SPAG17: variants seen among roughly 807,000 people sequenced by gnomAD.
The protein encoded by SPAG17 is sperm associated antigen 17, also known as sperm-associated antigen 17.
SPAG17 carries 169 observed loss-of-function variants against 273.6 expected under a neutral mutation model. The observed-to-expected ratio is 0.62, with a 90% CI of 0.55 to 0.70. The LOEUF is 0.70. Among genes scored for constraint, SPAG17 ranks in the 30% least tolerant of loss-of-function variants. The pLI is 0.00. For missense variants in SPAG17, 2,557 were observed against 2,627.8 expected (o/e 0.97, Z 0.59); for synonymous variants, 825 against 873.2 (o/e 0.94, Z 0.97).
In SPAG17 at chr1:118,185,082, G is replaced by C. The variant is rs1661127941; in HGVS notation, c.76C>G (p.Gln26Glu). The stretch of plus-strand genomic sequence containing the variant: ...GGCTCAAGGCTCACCTGATTGAACT[G>C]TGCAGCTATGAGCGAGGGTTCCCAT... ...KIWEPSLIAA[Q>E]FNQNDWQASI... The change falls in exon 1 of 49, where the codon CAG becomes GAG. Residue 26 changes from glutamine to glutamate, a missense_variant. Gln to Glu is a conservative substitution (Grantham distance 29). Coordinates refer to ENST00000336338, the MANE Select transcript of SPAG17 (RefSeq NM_206996.4). 1 of 1,613,944 alleles carries C rather than the reference G, an allele frequency of 6.2e-7. No homozygotes were observed. Among genetic ancestry groups the C allele is most frequent in the South Asian group, 1.1e-5 (1 of 91,086 alleles).
chr1:118,099,305 T>TTA (rs1491516983), intron 6 of SPAG17, among the ~76,000 whole-genome samples: 1 of 152,172 alleles, frequency 6.6e-6, no homozygotes, highest in African/African-American at 2.4e-5. Flanking sequence ...TAGGTAAAAC[T>TTA]TATAGATCAA....
chr1:118,074,667 G>A, intron 15 of SPAG17, 67 bp from the exon 16 acceptor site: 1 of 1,403,882 alleles, frequency 7.1e-7, no homozygotes. Context: ...GGTTAATGCT[G>A]TGCTTTTTTG....
chr1:118,004,732 G>T (rs1403841165), intron 32 of SPAG17, among the ~76,000 whole-genome samples: 1 of 152,192 alleles, frequency 6.6e-6, no homozygotes, highest in African/African-American at 2.4e-5. Flanking sequence ...GTTTCCCTTG[G>T]CTAGGAAAGG....
At chr1:117,973,193 G>A (rs994443908) in intron 44 of SPAG17, among the ~76,000 whole-genome samples, 10 of 152,196 alleles carry the variant, frequency 6.6e-5, no homozygotes, top group Admixed American at 5.2e-4. Context: ...GTATGAGCCA[G>A]CTCCACCAAA....
intron 3 of SPAG17, among the ~76,000 whole-genome samples, chr1:118,147,893 T>C (rs1333471041): frequency 1.3e-5 from 2 of 152,232 alleles, no homozygotes; most frequent in African/African-American, 4.8e-5. Context: ...CACTTTAGTT[T>C]GCTGCTTCTA....
chr1:118,036,558 T>C, intron 24 of SPAG17: 1 of 306,566 alleles, frequency 3.3e-6, no homozygotes, highest in Non-Finnish European at 5.9e-6. Flanking sequence ...TGTATCTATG[T>C]ATAAAAGATT....
At chr1:118,119,677 C>A (rs971595701) in intron 3 of SPAG17, among the ~76,000 whole-genome samples, 1 of 152,186 alleles carries the variant, frequency 6.6e-6, no homozygotes, top group African/African-American at 2.4e-5. Flanking sequence ...GAGCTTGACT[C>A]AATTTAGGCT....
chr1:118,017,781 A>G (rs1660119052), intron 28 of SPAG17, among the ~76,000 whole-genome samples: 1 of 152,174 alleles, frequency 6.6e-6, no homozygotes, highest in African/African-American at 2.4e-5. Context: ...CAGTGAAAGG[A>G]TAAGAGAAAG....
chr1:118,066,984 T>C, intron 17 of SPAG17, 85 bp from the exon 18 acceptor site: 6 of 1,223,076 alleles, frequency 4.9e-6, no homozygotes, highest in Admixed American at 2.7e-5. Context: ...CTCTACTCCC[T>C]TTTTTTCCTA....
chr1:118,036,593 CATAT>C (rs1210584871), intron 24 of SPAG17, 173 bp downstream of exon 24: 14 of 513,544 alleles, frequency 2.7e-5, no homozygotes, highest in African/African-American at 9.8e-5. Context: ...TGTATACACA[CATAT>C]ATAGACACAC....
At chr1:117,988,542 G>A (rs544043335) in intron 38 of SPAG17, among the ~76,000 whole-genome samples, 1 of 152,084 alleles carries the variant, frequency 6.6e-6, no homozygotes, top group Non-Finnish European at 1.5e-5. Flanking sequence ...CATTGAAATT[G>A]TTTTTCTGGA....
chr1:118,059,411 CAT>C (rs1014402450), intron 18 of SPAG17, among the ~76,000 whole-genome samples: 6 of 151,942 alleles, frequency 3.9e-5, no homozygotes, highest in Non-Finnish European at 5.9e-5. Flanking sequence ...TCATGTACAA[CAT>C]GTGGTTTTGA....
At chr1:118,001,771 G>C (rs887689324) in intron 32 of SPAG17, among the ~76,000 whole-genome samples, 2 of 152,064 alleles carry the variant, frequency 1.3e-5, no homozygotes, top group Non-Finnish European at 2.9e-5. Flanking sequence ...CAAAAAACCA[G>C]CTCCTGGCAA....
intron 3 of SPAG17, among the ~76,000 whole-genome samples, chr1:118,135,745 T>A (rs1201841995): frequency 3.9e-5 from 6 of 152,006 alleles, no homozygotes; most frequent in African/African-American, 1.5e-4. Context: ...GTGAGCAGAG[T>A]CTTTGGCACA....
Position 118,055,802 on chromosome 1 carries a change from C to A in SPAG17, c.2653G>T (p.Glu885Ter), listed in dbSNP as rs1262981740. The change falls in exon 19 of 49, where the codon GAA becomes TAA. Residue 885 changes from glutamate (E) to a stop codon, truncating the protein, a stop_gained. Transcript: ENST00000336338. LOFTEE classifies it high-confidence loss of function. ...EKIIRTRAEL[E>*]LKSSANAKLT... The stretch of plus-strand genomic sequence containing the variant: ...TTGGCATTAGCAGAAGATTTCAATT[C>A]CAGCTCAGCTCTGGTCCTGATGATT... The A allele has an allele frequency of 6.2e-7, 1 of 1,612,972 alleles. No individual in the cohort carries two copies. The highest frequency in any genetic ancestry group is 8.5e-7 in the Non-Finnish European group (1 of 1,179,654).
chr1:118,111,888 CA>C (rs1038383496), intron 4 of SPAG17, among the ~76,000 whole-genome samples: 2 of 151,908 alleles, frequency 1.3e-5, no homozygotes, highest in Non-Finnish European at 2.9e-5. Flanking sequence ...TATGAGCTAG[CA>C]AAAGAAAGAA....
At chr1:117,958,168 G>A (rs948907184) in intron 48 of SPAG17, among the ~76,000 whole-genome samples, 2 of 152,170 alleles carry the variant, frequency 1.3e-5, no homozygotes, top group African/African-American at 4.8e-5. Flanking sequence ...TATATGTAGT[G>A]AACTGACCAA....
At chr1:118,102,009 A>G (rs1656102117) in intron 4 of SPAG17, 83 bp from the exon 5 acceptor site, 8 of 1,104,064 alleles carry the variant, frequency 7.2e-6, no homozygotes, top group African/African-American at 1.6e-5. Flanking sequence ...TTAATTCTTC[A>G]TCTCATTCAA....
At position 118,115,446 on chromosome 1, in the gene SPAG17, A is replaced by T. The variant is rs527720666; in HGVS notation, c.316-5T>A. 6.2e-7 allele frequency: 1 copy of T among 1,604,560 alleles called. No individual in the cohort carries two copies. The highest frequency in any genetic ancestry group is 8.5e-7 in the Non-Finnish European group (1 of 1,176,794). On this transcript the variant is annotated splice_polypyrimidine_tract_variant and splice_region_variant and intron_variant, in intron 3 of 48. Coordinates refer to ENST00000336338, the MANE Select transcript of SPAG17 (RefSeq NM_206996.4). Reference sequence around the variant, plus strand: ...TGCTTTTGCTGCCGTTAACACCTATACAGAAACACAATTATTAGAAAAAGT... The same window carrying T: ...TGCTTTTGCTGCCGTTAACACCTATTCAGAAACACAATTATTAGAAAAAGT...
Sources: allele counts gnomAD v4.1 joint callset (sites outside exome capture counted in the v4.1 genomes callset), GRCh38; gene constraint gnomAD v4.1.1; transcripts MANE v1.5; gene names NCBI Gene and HGNC (gene_info 2026-07-23, HGNC 2026-07-21).